Variants in KCNMA1 observed in about 807,000 individuals in gnomAD.
KCNMA1 encodes Calcium-activated potassium channel subunit alpha-1.
In KCNMA1, 29 loss-of-function variants were observed where a neutral mutation model predicts 140.0. The ratio of observed to expected loss-of-function variants is 0.21; its 90% CI spans 0.15 to 0.28. The LOEUF is 0.28. Ranked by LOEUF, KCNMA1 falls within the 10% of genes least tolerant of loss-of-function variation. KCNMA1 has a pLI of 1.00. For missense variants in KCNMA1, 880 were observed against 1,602.2 expected (o/e 0.55, Z 7.70); for synonymous variants, 612 against 611.9 (o/e 1.00, Z 0.00).
intron 2 of KCNMA1, among the ~76,000 whole-genome samples, chr10:77,335,226 A>G (rs2088437203): frequency 1.3e-5 from 2 of 152,178 alleles, no homozygotes; most frequent in Admixed American, 1.3e-4. Context: ...GTGTCCCAAG[A>G]TGAAAACAAA....
intron 23 of KCNMA1, chr10:76,929,921 A>C (rs2058835560): frequency 6.6e-6 from 1 of 152,182 alleles, no homozygotes; most frequent in Non-Finnish European, 1.5e-5. Context: ...TGTTCAGAAA[A>C]CAATATTTAC....
intron 2 of KCNMA1, among the ~76,000 whole-genome samples, chr10:77,251,646 G>A (rs2059682756): frequency 6.6e-6 from 1 of 152,084 alleles, no homozygotes; most frequent in African/African-American, 2.4e-5. Flanking sequence ...AACTCCAATA[G>A]AGGAATATCA....
chr10:77,213,187 T>C (rs1163306209), intron 3 of KCNMA1, among the ~76,000 whole-genome samples: 1 of 152,156 alleles, frequency 6.6e-6, no homozygotes, highest in Non-Finnish European at 1.5e-5. Flanking sequence ...ATGTATAACA[T>C]TCACAGGGTA....
In KCNMA1 at chr10:77,491,714, TACACACACACACACAC is replaced by T. The variant is rs3071912; in HGVS notation, c.379-87707_379-87692del. ...TGGGGGGAAATGGGTTTAGAAGTCA[TACACACACACACACAC>T]ACACACACACACACACACACACACC... On this transcript the variant is annotated intron_variant, in intron 1 of 27. Coordinates refer to ENST00000286628, the MANE Select transcript of KCNMA1 (RefSeq NM_001161352.2). Among the ~76,000 whole-genome samples the T allele has an allele frequency of 8.9e-5, 13 of 145,564 alleles. No homozygotes were observed. The South Asian group carries it at 1.1e-3, about 13-fold the overall frequency.
At chr10:77,623,790 CAAGT>C (rs2091993185) in intron 1 of KCNMA1, among the ~76,000 whole-genome samples, 1 of 152,010 alleles carries the variant, frequency 6.6e-6, no homozygotes, top group Admixed American at 6.6e-5. Context: ...ACAAAATGTA[CAAGT>C]AAGTATTTTT....
intron 3 of KCNMA1, among the ~76,000 whole-genome samples, chr10:77,220,112 C>T (rs965761330): frequency 1.3e-5 from 2 of 152,162 alleles, no homozygotes; most frequent in East Asian, 1.9e-4. Context: ...TCAATTAATC[C>T]TCATAACACC....
At chr10:77,522,738 C>T (rs1289479494) in intron 1 of KCNMA1, among the ~76,000 whole-genome samples, 2 of 152,160 alleles carry the variant, frequency 1.3e-5, no homozygotes, top group Non-Finnish European at 2.9e-5. Context: ...TGCCAAGCTG[C>T]CAATTCCTCA....
intron 1 of KCNMA1, among the ~76,000 whole-genome samples, chr10:77,609,020 T>C (rs1051923052): frequency 6.6e-6 from 1 of 152,186 alleles, no homozygotes; most frequent in African/African-American, 2.4e-5. Flanking sequence ...AAAGTCATTA[T>C]GGAAAACAGT....
intron 16 of KCNMA1, among the ~76,000 whole-genome samples, chr10:77,025,242 G>GTATATATATATATA (rs1183311699): frequency 1.8e-3 from 76 of 42,590 alleles, no homozygotes; most frequent in East Asian, 1.0e-2. Flanking sequence ...GGGTGTGTGT[G>GTATATATATATATA]TATATATATA....
chr10:77,620,759 T>C (rs537094325), intron 1 of KCNMA1, among the ~76,000 whole-genome samples: 4 of 152,334 alleles, frequency 2.6e-5, no homozygotes, highest in South Asian at 2.1e-4. Flanking sequence ...GTTATTCACA[T>C]TGCCATTAAG....
chr10:76,871,545 A>C (rs1226543626), exon 28 of KCNMA1: 1 of 152,258 alleles, frequency 6.6e-6, no homozygotes, highest in Non-Finnish European at 1.5e-5. Context: ...GTGCAACATG[A>C]TCTTTCCAAT....
chr10:77,420,311 G>A (rs114400869), intron 1 of KCNMA1, among the ~76,000 whole-genome samples: 92 of 152,306 alleles, frequency 6.0e-4, no homozygotes, highest in African/African-American at 2.1e-3. Context: ...TGCACCCACC[G>A]GAGGCTGTTA....
At chr10:77,600,139 A>C (rs2082175229) in intron 1 of KCNMA1, among the ~76,000 whole-genome samples, 1 of 152,224 alleles carries the variant, frequency 6.6e-6, no homozygotes, top group Non-Finnish European at 1.5e-5. Context: ...GCACATGCTA[A>C]GATTCACATG....
At chr10:77,637,091 C>T in intron 1 of KCNMA1, 174 bp downstream of exon 1, 2 of 1,321,682 alleles carry the variant, frequency 1.5e-6, no homozygotes, top group Non-Finnish European at 1.0e-6. Flanking sequence ...GGCGCGCCGC[C>T]CGCTGCCCCG....
chr10:77,098,571 C>T (rs2097000280), intron 9 of KCNMA1, among the ~76,000 whole-genome samples: 1 of 143,742 alleles, frequency 7.0e-6, no homozygotes, highest in Admixed American at 7.0e-5. Flanking sequence ...GGTACCCTAA[C>T]CTTTAAAAAA....
chr10:77,418,690 C>T (rs903536118), intron 1 of KCNMA1, among the ~76,000 whole-genome samples: 2 of 152,184 alleles, frequency 1.3e-5, no homozygotes, highest in Admixed American at 6.5e-5. Flanking sequence ...AAAGGACTTG[C>T]CCACACACTT....
intron 10 of KCNMA1, among the ~76,000 whole-genome samples, chr10:77,087,538 C>T (rs1200420953): frequency 6.6e-6 from 1 of 152,096 alleles, no homozygotes; most frequent in Admixed American, 6.5e-5. Flanking sequence ...CTTCTCATCC[C>T]CCAAGGCCTG....
At chr10:77,592,447 C>G (rs2079494212) in intron 1 of KCNMA1, among the ~76,000 whole-genome samples, 1 of 152,172 alleles carries the variant, frequency 6.6e-6, no homozygotes, top group Non-Finnish European at 1.5e-5. Context: ...TTGTTCTTTT[C>G]TATAGTGATG....
chr10:76,883,687 T>C (rs2035550261), downstream of KCNMA1, among the ~76,000 whole-genome samples: 1 of 151,348 alleles, frequency 6.6e-6, no homozygotes, highest in Admixed American at 6.6e-5. Context: ...TACTTTATTT[T>C]CAAAGAACTC....
Sources: gnomAD v4.1 joint callset for allele counts (sites outside exome capture counted in the v4.1 genomes callset) on GRCh38, gnomAD v4.1.1 for gene constraint, MANE v1.5 for transcripts, NCBI Gene and HGNC (gene_info 2026-07-23, HGNC 2026-07-21) for gene names.